TTLL7: variants seen among roughly 807,000 people sequenced by gnomAD.
TTLL7 encodes the protein tubulin tyrosine ligase like 7, also known as tubulin polyglutamylase TTLL7.
A neutral mutation model predicts 120.2 loss-of-function variants in TTLL7; 53 were observed. That is an observed-to-expected ratio of 0.44 (90% confidence interval 0.35 to 0.55). TTLL7 has a LOEUF of 0.55. Among genes scored for constraint, TTLL7 ranks in the 20% least tolerant of loss-of-function variants. The pLI, the probability that TTLL7 is intolerant of heterozygous loss-of-function variation, is 0.00. For synonymous variants in TTLL7, 353 were observed against 351.7 expected, an observed-to-expected ratio of 1.00 and a Z score of -0.04; for missense variants, 803 against 1,054.7, an observed-to-expected ratio of 0.76 and a Z score of 3.31.
chr1:83,925,212 T>G (rs1450273139), intron 10 of TTLL7, among the ~76,000 whole-genome samples: 1 of 152,214 alleles, frequency 6.6e-6, no homozygotes, highest in Admixed American at 6.5e-5. Flanking sequence ...AATTTTCCAG[T>G]TAACATTGTC....
At chr1:83,958,877 G>A (rs1649769718) in intron 1 of TTLL7, among the ~76,000 whole-genome samples, 1 of 152,160 alleles carries the variant, frequency 6.6e-6, no homozygotes, top group South Asian at 2.1e-4. Flanking sequence ...TAGAGCCTGA[G>A]AGTCTGCATT....
chr1:83,996,102 CT>C (rs1255890368), intron 1 of TTLL7, among the ~76,000 whole-genome samples: 1 of 152,062 alleles, frequency 6.6e-6, no homozygotes, highest in African/African-American at 2.4e-5. Context: ...TAGTGATTGT[CT>C]TTAGTTGGTC....
rs773279260 is a variant in TTLL7 at position 83,951,942 on chromosome 1, T to C, written c.60A>G (p.Thr20=). The C allele has an allele frequency of 1.2e-6, 2 of 1,611,566 alleles. No individual in the cohort carries two copies. The highest frequency in any genetic ancestry group is 1.7e-6 in the Non-Finnish European group (2 of 1,179,400). ...TCATTGTGCTTTGATAAGGTAATTC[T>C]GTATTCAAATCCAGGGGAGAGGGTC... ...IQGPSPLDLN[T]ELPYQSTMKR... Residue 20 remains threonine, a synonymous_variant, in exon 3 of 21, where the codon ACA becomes ACG. Transcript: ENST00000260505.
intron 1 of TTLL7, chr1:83,981,691 G>GC (rs1383830818): frequency 1.3e-5 from 2 of 152,400 alleles, no homozygotes; most frequent in Non-Finnish European, 2.9e-5. Flanking sequence ...AATTAGCCAG[G>GC]CATGGTGGCG....
At chr1:83,997,925 T>C (rs1194814369) in intron 1 of TTLL7, among the ~76,000 whole-genome samples, 4 of 152,236 alleles carry the variant, frequency 2.6e-5, no homozygotes, top group Non-Finnish European at 5.9e-5. Flanking sequence ...GCCATAAGCT[T>C]TCTAAGAAAA....
At chr1:83,907,954 G>C (rs1220066226) in intron 15 of TTLL7, among the ~76,000 whole-genome samples, 1 of 152,036 alleles carries the variant, frequency 6.6e-6, no homozygotes, top group Non-Finnish European at 1.5e-5. Flanking sequence ...CAGAAGAAAG[G>C]AAAATTAACA....
chr1:83,997,736 A>G (rs1377559529), intron 1 of TTLL7, among the ~76,000 whole-genome samples: 2 of 152,200 alleles, frequency 1.3e-5, no homozygotes, highest in African/African-American at 4.8e-5. Flanking sequence ...CTAAGTAACT[A>G]TTATTACTGT....
chr1:83,951,785 C>A, intron 3 of TTLL7, 60 bp downstream of exon 3: 1 of 1,537,330 alleles, frequency 6.5e-7, no homozygotes, highest in South Asian at 1.3e-5. Context: ...TTGTTTTTAA[C>A]ACCAAATCAG....
intron 1 of TTLL7, among the ~76,000 whole-genome samples, chr1:83,968,743 G>A (rs966874725): frequency 1.3e-5 from 2 of 152,094 alleles, no homozygotes; most frequent in Admixed American, 6.5e-5. Flanking sequence ...CCGACTTCAT[G>A]ATCTAAATCT....
chr1:83,953,217 T>C (rs538032861), intron 1 of TTLL7, among the ~76,000 whole-genome samples: 8 of 152,340 alleles, frequency 5.3e-5, no homozygotes. Flanking sequence ...ATTGTAAATA[T>C]ATGAACGTAG....
At chr1:83,879,787 C>G (rs1436050195) in intron 20 of TTLL7, 1 of 151,942 alleles carries the variant, frequency 6.6e-6, no homozygotes, top group Non-Finnish European at 1.5e-5. Context: ...ACTGGGCCAT[C>G]CTGACCATTT....
At chr1:83,978,276 G>A (rs1651670874) in intron 1 of TTLL7, among the ~76,000 whole-genome samples, 2 of 152,134 alleles carry the variant, frequency 1.3e-5, no homozygotes, top group South Asian at 4.1e-4. Flanking sequence ...GGGAATATAT[G>A]AACTGATGAA....
intron 5 of TTLL7, among the ~76,000 whole-genome samples, chr1:83,947,944 A>T (rs944204456): frequency 1.3e-5 from 2 of 152,156 alleles, no homozygotes; most frequent in African/African-American, 4.8e-5. Flanking sequence ...AGTCAACAGG[A>T]ATATAAACTG....
At chr1:83,890,295 A>G in intron 19 of TTLL7, 26 bp downstream of exon 19, 1 of 1,573,918 alleles carries the variant, frequency 6.4e-7, no homozygotes, top group African/African-American at 1.4e-5. Context: ...AAAAATGACG[A>G]TAATAAAAGA....
At chr1:83,906,844 T>A (rs1374103200) in intron 16 of TTLL7, among the ~76,000 whole-genome samples, 1 of 152,100 alleles carries the variant, frequency 6.6e-6, no homozygotes, top group Non-Finnish European at 1.5e-5. Context: ...TTTGGAAACA[T>A]GATCCATATT....
chr1:83,989,216 T>C (rs1277314220), intron 1 of TTLL7, among the ~76,000 whole-genome samples: 5 of 152,182 alleles, frequency 3.3e-5, no homozygotes, highest in African/African-American at 9.7e-5. Context: ...TTTGCTGCAA[T>C]TGCTTTTGGG....
chr1:83,923,929 A>G (rs1658894561), intron 10 of TTLL7, among the ~76,000 whole-genome samples: 1 of 152,144 alleles, frequency 6.6e-6, no homozygotes, highest in Non-Finnish European at 1.5e-5. Flanking sequence ...GATTTCTCTG[A>G]TCACTTGCTT....
At chr1:83,969,774 T>C (rs916606979) in intron 1 of TTLL7, among the ~76,000 whole-genome samples, 2 of 151,942 alleles carry the variant, frequency 1.3e-5, no homozygotes, top group South Asian at 2.1e-4. Flanking sequence ...AATTATGATA[T>C]AGCCAAACAA....
At chr1:83,898,257 T>C (rs1056239514) in intron 18 of TTLL7, among the ~76,000 whole-genome samples, 2 of 152,016 alleles carry the variant, frequency 1.3e-5, no homozygotes, top group African/African-American at 4.8e-5. Context: ...TGAAGAATTC[T>C]TAGTAAAATA....
Sources: gnomAD v4.1 joint callset for allele counts (sites outside exome capture counted in the v4.1 genomes callset) on GRCh38, gnomAD v4.1.1 for gene constraint, MANE v1.5 for transcripts, NCBI Gene and HGNC (gene_info 2026-07-23, HGNC 2026-07-21) for gene names.